Variants in COL21A1 observed in about 807,000 individuals in gnomAD.
The protein encoded by COL21A1 is collagen alpha-1(XXI) chain.
Under a neutral mutation model 137.9 loss-of-function variants are expected in COL21A1, and 149 were observed. That is an observed-to-expected ratio of 1.08 (90% CI 0.95 to 1.24). The LOEUF is 1.24. COL21A1 is among the 50% of genes most tolerant of loss of function. The pLI, the probability that COL21A1 is intolerant of heterozygous loss-of-function variation, is 0.00. For missense variants in COL21A1, 1,167 were observed against 1,158.4 expected, an observed-to-expected ratio of 1.01 and a Z score of -0.11; for synonymous variants, 456 against 391.5, an observed-to-expected ratio of 1.16 and a Z score of -1.95.
chr6:56,391,009 C>A (rs996536307), intron 1 of COL21A1, among the ~76,000 whole-genome samples: 1 of 152,082 alleles, frequency 6.6e-6, no homozygotes, highest in Non-Finnish European at 1.5e-5. Context: ...CCAGTACCTG[C>A]CAAATACACA....
At chr6:56,060,666 T>C (rs973625653) in intron 27 of COL21A1, 75 bp downstream of exon 27, 41 of 1,266,666 alleles carry the variant, frequency 3.2e-5, no homozygotes, top group Non-Finnish European at 4.5e-5. Context: ...TTATATCCTC[T>C]ACAATATGTC....
At chr6:56,097,954 A>C (rs868434608) in intron 17 of COL21A1, among the ~76,000 whole-genome samples, 1 of 69,254 alleles carries the variant, frequency 1.4e-5, no homozygotes, top group Non-Finnish European at 2.4e-5. Context: ...TATAAATATA[A>C]AAATATATAT....
rs1349393282 is a variant in COL21A1 at position 56,260,640 on chromosome 6, G to A, written c.-38-77984C>T. Among the ~76,000 whole-genome samples, 77 of 39,606 alleles carry A rather than the reference G, an allele frequency of 1.9e-3. 2 individuals carry two copies. Among genetic ancestry groups the A allele is most frequent in the South Asian group, 2.8e-3 (4 of 1,404 alleles). 26.0% of individuals were successfully genotyped at this position (39,606 alleles called of 152,430 possible). A position where few individuals can be genotyped will look rare whatever the true frequency, so the allele number is the denominator to read the frequency against. ...AAGAGAGAGAGAGGAAGGAAGGAAG[G>A]AAGGAAGGAAGGAAGGAATGAAGGA... is the stretch of plus-strand genomic sequence containing the variant. On this transcript the variant is annotated intron_variant, in intron 1 of 28. Transcript: ENST00000370819.
upstream of COL21A1, among the ~76,000 whole-genome samples, chr6:56,251,691 A>G (rs1168749456): frequency 6.6e-6 from 1 of 152,228 alleles, no homozygotes; most frequent in African/African-American, 2.4e-5. Flanking sequence ...TGTCTAGTCT[A>G]GTGAATGAAA....
At chr6:56,183,858 T>C (rs1226412699) in intron 1 of COL21A1, among the ~76,000 whole-genome samples, 1 of 151,938 alleles carries the variant, frequency 6.6e-6, no homozygotes. Context: ...ATGAAAACTA[T>C]ACAAAAAGAT....
At position 56,369,733 on chromosome 6, in the gene COL21A1, C is replaced by G. The variant is rs762759621; in HGVS notation, c.-39+24238G>C. ...GCAAAGGATGTAAATAGCCAATTCGCCAAAGAAGAATCACATAAATGGCCA... is the reference window on the plus strand; with the variant it reads ...GCAAAGGATGTAAATAGCCAATTCGGCAAAGAAGAATCACATAAATGGCCA... On this transcript the variant is annotated intron_variant, in intron 1 of 28. Coordinates refer to the COL21A1 transcript ENST00000370819. Among the ~76,000 whole-genome samples, 19 of 152,066 alleles carry G rather than the reference C, an allele frequency of 1.2e-4. 1 individual carries two copies. The highest frequency in any genetic ancestry group is 2.4e-4 in the Non-Finnish European group (16 of 68,008).
chr6:56,134,410 T>C (rs1773822840), intron 12 of COL21A1, among the ~76,000 whole-genome samples: 1 of 152,182 alleles, frequency 6.6e-6, no homozygotes, highest in Admixed American at 6.5e-5. Context: ...TAGGAAATAA[T>C]TAAGTTGCTT....
At chr6:56,227,424 G>T (rs1166094774) in intron 1 of COL21A1, among the ~76,000 whole-genome samples, 1 of 151,946 alleles carries the variant, frequency 6.6e-6, no homozygotes, top group Non-Finnish European at 1.5e-5. Flanking sequence ...ACTAAGTAAG[G>T]TTCCTTTCTT....
intron 9 of COL21A1, among the ~76,000 whole-genome samples, chr6:56,158,406 G>A (rs924568075): frequency 6.6e-5 from 10 of 150,850 alleles, no homozygotes; most frequent in African/African-American, 2.2e-4. Context: ...CCAAGTAGCT[G>A]GGGTTACAGG....
intron 18 of COL21A1, among the ~76,000 whole-genome samples, chr6:56,075,937 G>T (rs9475556): frequency 4.6e-5 from 7 of 151,202 alleles, no homozygotes; most frequent in Non-Finnish European, 8.9e-5. Context: ...CCAGGGATGC[G>T]GCTGACTAGG....
intron 1 of COL21A1, among the ~76,000 whole-genome samples, chr6:56,286,010 C>T (rs1332346775): frequency 6.6e-6 from 1 of 152,064 alleles, no homozygotes. Flanking sequence ...ATTTGGATTT[C>T]ATTAGCTCAA....
chr6:56,234,187 C>T (rs1781762460), intron 1 of COL21A1, among the ~76,000 whole-genome samples: 1 of 151,596 alleles, frequency 6.6e-6, no homozygotes, highest in Non-Finnish European at 1.5e-5. Flanking sequence ...ATTTGGAATC[C>T]AGAAAAATTT....
intron 1 of COL21A1, among the ~76,000 whole-genome samples, chr6:56,257,310 T>C (rs1455444414): frequency 1.3e-5 from 2 of 152,178 alleles, no homozygotes; most frequent in Non-Finnish European, 1.5e-5. Flanking sequence ...ATGGTTCTGG[T>C]GAGAGTATAA....
rs1352536969 is a variant in COL21A1 at position 56,288,244 on chromosome 6, A to AAG, written c.-38-105589_-38-105588insCT. 3.4e-5 allele frequency among the ~76,000 whole-genome samples: 4 copies of AAG among 118,400 alleles called. No individual in the cohort carries two copies. In the East Asian group the frequency reaches 8.0e-4, roughly 24 times the overall value. 77.7% of individuals were successfully genotyped at this position (118,400 alleles called of 152,430 possible). ...TCTACTCCAGCTTATTACATTTTAAAAAAATAAAAGAAAAAAAAAAGGAAA... is the reference window on the plus strand; with the variant it reads ...TCTACTCCAGCTTATTACATTTTAAAAGAAAATAAAAGAAAAAAAAAAGGAAA... On this transcript the variant is annotated intron_variant, in intron 1 of 28. Coordinates refer to the COL21A1 transcript ENST00000370819.
At chr6:56,203,569 A>G (rs981179717) in intron 1 of COL21A1, among the ~76,000 whole-genome samples, 4 of 152,232 alleles carry the variant, frequency 2.6e-5, no homozygotes, top group African/African-American at 9.6e-5. Context: ...TCTGAAAACA[A>G]GAAAACTGTC....
At chr6:56,079,927 C>A (rs1360930094) in intron 17 of COL21A1, among the ~76,000 whole-genome samples, 2 of 151,562 alleles carry the variant, frequency 1.3e-5, no homozygotes, top group East Asian at 3.9e-4. Context: ...GAATTCTTGG[C>A]AAAACTAATA....
intron 1 of COL21A1, among the ~76,000 whole-genome samples, chr6:56,214,475 A>G (rs1272343976): frequency 6.6e-6 from 1 of 152,114 alleles, no homozygotes; most frequent in African/African-American, 2.4e-5. Context: ...AAGTTGTGCC[A>G]GAATAAATAG....
rs1772984336 is a variant in COL21A1, at chr6:56,125,565, C to G, written c.1650+2G>C. 1 of 1,598,314 alleles carries G rather than the reference C, an allele frequency of 6.3e-7. No homozygotes were observed. The highest frequency in any genetic ancestry group is 8.6e-7 in the Non-Finnish European group (1 of 1,169,150). On this transcript the variant is annotated splice_donor_variant, in intron 14 of 29. Transcript: ENST00000244728. LOFTEE classifies it high-confidence loss of function. ...ATACTTTGTTGTGTGATCTATACTT[C>G]CCTTTTTGCCATAAAATCCAGGTGA... is the stretch of plus-strand genomic sequence containing the variant.
intron 1 of COL21A1, among the ~76,000 whole-genome samples, chr6:56,319,591 G>A (rs1365185857): frequency 6.6e-6 from 1 of 152,086 alleles, no homozygotes; most frequent in Non-Finnish European, 1.5e-5. Flanking sequence ...GCCTACCCTG[G>A]CCCCCCAAAG....
Sources: allele counts gnomAD v4.1 joint callset (sites outside exome capture counted in the v4.1 genomes callset), GRCh38; gene constraint gnomAD v4.1.1; transcripts MANE v1.5; gene names NCBI Gene and HGNC (gene_info 2026-07-23, HGNC 2026-07-21).